The following GLS variants were observed in gnomAD, a reference collection of about 807,000 sequenced individuals.
GLS encodes the protein glutaminase, also known as glutaminase kidney isoform, mitochondrial.
Under a neutral mutation model 86.7 loss-of-function variants are expected in GLS, and 36 were observed. The ratio of observed to expected loss-of-function variants is 0.42; its 90% CI spans 0.32 to 0.55. The LOEUF is 0.55. Ranked by LOEUF, GLS falls within the 20% of genes least tolerant of loss-of-function variation. GLS has a pLI of 0.17. For missense variants in GLS, 528 were observed against 833.4 expected, an observed-to-expected ratio of 0.63 and a Z score of 4.51; for synonymous variants, 317 against 305.9, an observed-to-expected ratio of 1.04 and a Z score of -0.38.
chr2:190,908,384 GATATA>G (rs1689235160), intron 6 of GLS, among the ~76,000 whole-genome samples: 1 of 152,128 alleles, frequency 6.6e-6, no homozygotes, highest in African/African-American at 2.4e-5. Flanking sequence ...AGCTTCTTTT[GATATA>G]ATATGAAAGA....
chr2:190,939,063 G>T (rs1378749020), intron 14 of GLS, among the ~76,000 whole-genome samples: 2 of 151,544 alleles, frequency 1.3e-5, no homozygotes, highest in Admixed American at 6.6e-5. Context: ...TAAACAAATG[G>T]TTTCTTAAGA....
intron 14 of GLS, chr2:190,934,656 G>T (rs1690215141): frequency 1.0e-6 from 1 of 981,804 alleles, no homozygotes; most frequent in African/African-American, 1.8e-5. Flanking sequence ...TTCCGAAGTT[G>T]GTTTTACTTT....
Position 190,924,811 on chromosome 2 carries a change from A to G in GLS, c.1248+218A>G. On this transcript the variant is annotated intron_variant, in intron 11 of 17. Coordinates refer to ENST00000320717, the MANE Select transcript of GLS (RefSeq NM_014905.5). The surrounding 1 kb of genome is among the most constrained non-coding windows in gnomAD (Gnocchi z 5.2). ...GTGCCTGTAGTCCCAGTTACTTGTG[A>G]GGCTGAGGCAGGAGAATCCCTTGAA... 2.4e-6 allele frequency: 1 copy of G among 415,002 alleles called. No homozygotes were observed. The allele number at this position is 415,002 out of a possible 1,614,324, so 25.7% of individuals were successfully genotyped here.
Position 190,926,401 on chromosome 2 carries a change from T to A in GLS, c.1249-905T>A, listed in dbSNP as rs980384789. Reference sequence around the variant, plus strand: ...AAACACACAATGTTCTAATTCACTGTACTTAGTTTTCCTCCTTGCTATTTC... The same window carrying A: ...AAACACACAATGTTCTAATTCACTGAACTTAGTTTTCCTCCTTGCTATTTC... On this transcript the variant is annotated intron_variant, in intron 11 of 17. Coordinates refer to ENST00000320717, the MANE Select transcript of GLS (RefSeq NM_014905.5). Among the ~76,000 whole-genome samples the A allele has an allele frequency of 4.6e-5, 7 of 152,344 alleles. No homozygotes were observed. The East Asian group carries it at 1.3e-3, about 29-fold the overall frequency.
At chr2:190,959,308 A>C (rs1310900370) in intron 17 of GLS, among the ~76,000 whole-genome samples, 5 of 143,782 alleles carry the variant, frequency 3.5e-5, no homozygotes, top group Non-Finnish European at 7.5e-5. Flanking sequence ...TTTTGAGCCT[A>C]TGTGTGTCTT....
rs73981370 is a variant in GLS, at chr2:190,914,359, T to G, written c.1038+4038T>G. Reference sequence around the variant, plus strand: ...ACTCTCAGAGTAATGCATGATGCCTTGGACTTGCAACATTCAGAAGACAGG... The same window carrying G: ...ACTCTCAGAGTAATGCATGATGCCTGGGACTTGCAACATTCAGAAGACAGG... On this transcript the variant is annotated intron_variant, in intron 7 of 17. Transcript: ENST00000320717. The surrounding 1 kb of genome is among the most constrained non-coding windows in gnomAD (Gnocchi z 4.4). 0.025 allele frequency among the ~76,000 whole-genome samples: 3,835 copies of G among 152,128 alleles called. 160 individuals are homozygous for G. Among genetic ancestry groups the G allele is most frequent in the African/African-American group, 0.089 (3,672 of 41,460 alleles).
In GLS at chr2:190,897,172, C is replaced by T. The variant is rs1277930188; in HGVS notation, c.605+1447C>T. 2.6e-5 allele frequency among the ~76,000 whole-genome samples: 4 copies of T among 152,112 alleles called. No individual in the cohort carries two copies. The highest frequency in any genetic ancestry group is 4.2e-4 in the South Asian group (2 of 4,808). ...ATTCCCAAGTATCTGGGATTAAGGG[C>T]GCCTGCCACCATGCCTGGCTTTTTT... On this transcript the variant is annotated intron_variant, in intron 3 of 17. Transcript: ENST00000320717. This position sits in a 1 kb window ranked among gnomAD's most constrained non-coding sequence, Gnocchi z 4.3.
intron 1 of GLS, among the ~76,000 whole-genome samples, chr2:190,890,505 G>T (rs1688524999): frequency 1.3e-5 from 2 of 152,286 alleles, no homozygotes; most frequent in South Asian, 4.1e-4. Context: ...TAGCCTTGGG[G>T]CAAAATCACT....
At chr2:190,881,634 C>A (rs904313949) in intron 1 of GLS, 164 bp downstream of exon 1, 6 of 626,732 alleles carry the variant, frequency 9.6e-6, no homozygotes, top group Non-Finnish European at 1.5e-5. Context: ...TTAGGCCCGG[C>A]CCCGCCCGCG....
At position 190,920,697 on chromosome 2, in the gene GLS, TAAC is replaced by T. The variant is rs1335729858; in HGVS notation, c.1039-325_1039-323del. ...TTTTTTAAATATAAGATTAAATAAA[TAAC>T]ACATTTTAGCAAATTATGTGCTGTC... is the stretch of plus-strand genomic sequence containing the variant. On this transcript the variant is annotated intron_variant, in intron 7 of 17. Coordinates refer to ENST00000320717, the MANE Select transcript of GLS (RefSeq NM_014905.5). The surrounding 1 kb of genome is among the most constrained non-coding windows in gnomAD (Gnocchi z 4.2). Among the ~76,000 whole-genome samples, 3 of 151,820 alleles carry T rather than the reference TAAC, an allele frequency of 2.0e-5. No homozygotes were observed. The East Asian group carries it at 5.8e-4, about 29-fold the overall frequency.
intron 11 of GLS, among the ~76,000 whole-genome samples, chr2:190,926,270 C>T (rs990185754): frequency 2.6e-5 from 4 of 152,148 alleles, no homozygotes; most frequent in Non-Finnish European, 4.4e-5. Context: ...TTAAGTCGAC[C>T]TTATCACAAA....
chr2:190,954,166 C>A lies in GLS; in HGVS notation c.1713-418C>A, dbSNP rs913803514. On this transcript the variant is annotated intron_variant, in intron 15 of 17. Transcript: ENST00000320717. The surrounding 1 kb of genome is among the most constrained non-coding windows in gnomAD (Gnocchi z 4.0). ...AGTGGAAAAATGTCTGTGCTTCCCC[C>A]CCTTGTTTTGAAGTCTGACAAGTAC... 2.6e-5 allele frequency among the ~76,000 whole-genome samples: 4 copies of A among 151,936 alleles called. No homozygotes were observed. The highest frequency in any genetic ancestry group is 9.7e-5 in the African/African-American group (4 of 41,344).
intron 5 of GLS, among the ~76,000 whole-genome samples, chr2:190,904,644 A>G (rs1310829382): frequency 1.3e-5 from 2 of 152,160 alleles, no homozygotes; most frequent in Admixed American, 6.5e-5. Flanking sequence ...TATTCCCTAA[A>G]TAATACAGTA....
Position 190,907,351 on chromosome 2 carries a change from G to A in GLS, c.979+2184G>A, listed in dbSNP as rs187097687. Among the ~76,000 whole-genome samples, 34 of 150,038 alleles carry A rather than the reference G, an allele frequency of 2.3e-4. No homozygotes were observed. In the East Asian group the frequency reaches 6.7e-3, roughly 30 times the overall value. ...CGGCTCACCGCAACCTCCGCCTCCCGGGTTCAAGCGATTCTCCTGCCTCAG... is the reference window on the plus strand; with the variant it reads ...CGGCTCACCGCAACCTCCGCCTCCCAGGTTCAAGCGATTCTCCTGCCTCAG... On this transcript the variant is annotated intron_variant, in intron 6 of 17. Coordinates refer to ENST00000320717, the MANE Select transcript of GLS (RefSeq NM_014905.5).
In GLS at chr2:190,924,424, C is replaced by G; in HGVS notation, c.1198-119C>G. On this transcript the variant is annotated intron_variant, in intron 10 of 17. Coordinates refer to ENST00000320717, the MANE Select transcript of GLS (RefSeq NM_014905.5). The surrounding 1 kb of genome is among the most constrained non-coding windows in gnomAD (Gnocchi z 5.2). Reference sequence around the variant, plus strand: ...CATGTTTATACTCTTTTAGAAGTTACATGCTATTTTATTAATTAAAATGAA... The same window carrying G: ...CATGTTTATACTCTTTTAGAAGTTAGATGCTATTTTATTAATTAAAATGAA... The G allele has an allele frequency of 1.5e-6, 1 of 688,342 alleles. No individual in the cohort carries two copies. The highest frequency in any genetic ancestry group is 1.8e-5 in the African/African-American group (1 of 55,284). 42.6% of individuals were successfully genotyped at this position (688,342 alleles called of 1,614,324 possible).
chr2:190,891,296 T>C (rs1453460527), intron 1 of GLS, among the ~76,000 whole-genome samples: 1 of 152,160 alleles, frequency 6.6e-6, no homozygotes, highest in Non-Finnish European at 1.5e-5. Flanking sequence ...TTTATTGCTA[T>C]TGCTTGGCAT....
rs1037163435 is a variant in GLS, at chr2:190,964,067, A to C, written c.*1081A>C. 6.6e-6 allele frequency: 1 copy of C among 151,972 alleles called. No homozygotes were observed. The highest frequency in any genetic ancestry group is 6.6e-5 in the Admixed American group (1 of 15,250). 9.4% of individuals were successfully genotyped at this position (151,972 alleles called of 1,614,324 possible). On this transcript the variant is annotated 3_prime_UTR_variant, in exon 18 of 18. Coordinates refer to ENST00000320717, the MANE Select transcript of GLS (RefSeq NM_014905.5). The surrounding 1 kb of genome is among the most constrained non-coding windows in gnomAD (Gnocchi z 5.2). Reference sequence around the variant, plus strand: ...TTTGTCCTCCTTGGGGGACCACTGGATCATTCCAGATTTCTTGTGATTTTT... The same window carrying C: ...TTTGTCCTCCTTGGGGGACCACTGGCTCATTCCAGATTTCTTGTGATTTTT...
intron 17 of GLS, among the ~76,000 whole-genome samples, chr2:190,958,222 T>C (rs1490229033): frequency 2.0e-5 from 3 of 152,230 alleles, no homozygotes; most frequent in Admixed American, 2.0e-4. Flanking sequence ...TTTATTTGCA[T>C]AGAGGTGTTT....
intron 17 of GLS, among the ~76,000 whole-genome samples, chr2:190,958,538 T>G (rs1181367027): frequency 6.6e-6 from 1 of 152,230 alleles, no homozygotes; most frequent in African/African-American, 2.4e-5. Flanking sequence ...CCTTTCCTGC[T>G]TACTCTTGTG....
Sources: gnomAD v4.1 joint callset for allele counts (sites outside exome capture counted in the v4.1 genomes callset) on GRCh38, gnomAD v4.1.1 for gene constraint, Gnocchi (gnomAD v3.1) non-coding constraint, MANE v1.5 for transcripts, NCBI Gene and HGNC (gene_info 2026-07-23, HGNC 2026-07-21) for gene names.